The following TMEM132B variants were observed in gnomAD, a reference collection of about 807,000 sequenced individuals.
TMEM132B encodes transmembrane protein 132B.
In TMEM132B, 18 loss-of-function variants were observed where a neutral mutation model predicts 90.8. That is an observed-to-expected ratio of 0.20 (90% confidence interval 0.14 to 0.29). The LOEUF is 0.29. TMEM132B is among the 10% of genes least tolerant of loss of function. The pLI, the probability that TMEM132B is intolerant of heterozygous loss-of-function variation, is 1.00. For missense variants in TMEM132B, 1,096 were observed against 1,326.8 expected, an observed-to-expected ratio of 0.83 and a Z score of 2.70; for synonymous variants, 504 against 523.3, an observed-to-expected ratio of 0.96 and a Z score of 0.50.
chr12:125,637,668 C>G (rs1886518873), intron 5 of TMEM132B, among the ~76,000 whole-genome samples: 1 of 151,854 alleles, frequency 6.6e-6, no homozygotes, highest in Non-Finnish European at 1.5e-5. Context: ...TGAAAGCAAC[C>G]AGGGAAAAGA....
intron 2 of TMEM132B, among the ~76,000 whole-genome samples, chr12:125,368,607 T>C (rs1252380198): frequency 6.6e-6 from 1 of 152,186 alleles, no homozygotes; most frequent in East Asian, 1.9e-4. Flanking sequence ...TGGGAAAAGG[T>C]AGAGAAAGTA....
chr12:125,523,857 G>A (rs562371234), intron 4 of TMEM132B, among the ~76,000 whole-genome samples: 5 of 152,292 alleles, frequency 3.3e-5, no homozygotes, highest in African/African-American at 9.6e-5. Flanking sequence ...TCTCCTCATC[G>A]GGGATGCACT....
intron 2 of TMEM132B, among the ~76,000 whole-genome samples, chr12:125,397,058 C>T (rs183732045): frequency 1.3e-4 from 20 of 151,820 alleles, no homozygotes; most frequent in Non-Finnish European, 2.8e-4. Flanking sequence ...TGCAATCTCC[C>T]CCTCCCAGGT....
intron 3 of TMEM132B, among the ~76,000 whole-genome samples, chr12:125,507,801 A>C (rs941558873): frequency 1.3e-5 from 2 of 152,144 alleles, no homozygotes; most frequent in African/African-American, 4.8e-5. Flanking sequence ...AGGTTTTGAA[A>C]AGAAGAGAGA....
intron 4 of TMEM132B, among the ~76,000 whole-genome samples, chr12:125,566,056 G>A (rs1028584386): frequency 1.6e-4 from 24 of 152,172 alleles, no homozygotes; most frequent in Non-Finnish European, 2.9e-4. Context: ...GGCTACTTAG[G>A]GAAATTGTGT....
intron 1 of TMEM132B, among the ~76,000 whole-genome samples, chr12:125,265,827 C>T (rs1254502098): frequency 1.3e-5 from 2 of 152,156 alleles, no homozygotes; most frequent in Non-Finnish European, 2.9e-5. Context: ...AGTGACTTCT[C>T]ATTCATTCTC....
intron 1 of TMEM132B, among the ~76,000 whole-genome samples, chr12:125,283,705 T>C (rs1161167499): frequency 1.3e-5 from 2 of 152,350 alleles, no homozygotes; most frequent in African/African-American, 4.8e-5. Flanking sequence ...ATGCGTCTTG[T>C]CTGGTGCAGA....
chr12:125,335,157 A>G (rs1236103255), intron 1 of TMEM132B, among the ~76,000 whole-genome samples: 1 of 152,176 alleles, frequency 6.6e-6, no homozygotes, highest in African/African-American at 2.4e-5. Context: ...TAATTGCTCA[A>G]ATGTCTGGTT....
chr12:125,187,564 G>T (rs973893114), intron 1 of TMEM132B, among the ~76,000 whole-genome samples: 3 of 152,252 alleles, frequency 2.0e-5, no homozygotes, highest in African/African-American at 4.8e-5. Flanking sequence ...AGCCTGGAAC[G>T]CGGTGCTGTC....
At chr12:125,599,877 T>C (rs902464800) in intron 5 of TMEM132B, among the ~76,000 whole-genome samples, 2 of 152,084 alleles carry the variant, frequency 1.3e-5, no homozygotes, top group African/African-American at 4.8e-5. Flanking sequence ...GTCTTGATGA[T>C]TACATAGCAG....
intron 1 of TMEM132B, among the ~76,000 whole-genome samples, chr12:125,226,686 A>C (rs939797542): frequency 2.6e-5 from 4 of 152,040 alleles, no homozygotes; most frequent in Non-Finnish European, 5.9e-5. Context: ...GGGAAAGTCC[A>C]CTCTTCCTAG....
intron 3 of TMEM132B, among the ~76,000 whole-genome samples, chr12:125,501,905 C>A (rs187343454): frequency 6.6e-6 from 1 of 152,334 alleles, no homozygotes; most frequent in Admixed American, 6.5e-5. Flanking sequence ...TGAGGAATAA[C>A]CGTTCAGGTG....
At chr12:125,294,334 C>G (rs925479404) in intron 1 of TMEM132B, among the ~76,000 whole-genome samples, 1 of 152,242 alleles carries the variant, frequency 6.6e-6, no homozygotes, top group East Asian at 1.9e-4. Context: ...CAAGCCAGAC[C>G]TGGTAGAGAT....
chr12:125,206,532 CT>C (rs1179493485), intron 1 of TMEM132B, among the ~76,000 whole-genome samples: 1 of 152,172 alleles, frequency 6.6e-6, no homozygotes, highest in Non-Finnish European at 1.5e-5. Context: ...ACTACTGCCC[CT>C]GGTCTGATTG....
intron 3 of TMEM132B, among the ~76,000 whole-genome samples, chr12:125,494,574 A>G (rs1452516710): frequency 4.8e-5 from 3 of 62,974 alleles, no homozygotes; most frequent in Non-Finnish European, 9.0e-5. Flanking sequence ...GAAGAAATGG[A>G]TGCGTCCCTC....
At chr12:125,488,821 C>T (rs1326152320) in intron 3 of TMEM132B, among the ~76,000 whole-genome samples, 5 of 152,204 alleles carry the variant, frequency 3.3e-5, no homozygotes, top group Non-Finnish European at 7.3e-5. Context: ...CTATGGCAAA[C>T]TGCCGGATGG....
chr12:125,225,274 C>T (rs2136077391), intron 1 of TMEM132B, among the ~76,000 whole-genome samples: 1 of 152,288 alleles, frequency 6.6e-6, no homozygotes, highest in East Asian at 1.9e-4. Context: ...GGTTACTGGC[C>T]ACGTAAGCAG....
intron 2 of TMEM132B, among the ~76,000 whole-genome samples, chr12:125,375,974 G>A (rs1376153671): frequency 6.6e-6 from 1 of 152,204 alleles, no homozygotes; most frequent in African/African-American, 2.4e-5. Context: ...TAGGTATTCC[G>A]GTACCACTTA....
intron 1 of TMEM132B, among the ~76,000 whole-genome samples, chr12:125,286,084 C>T (rs1281783820): frequency 2.0e-5 from 3 of 152,246 alleles, no homozygotes. Flanking sequence ...ACCCTAGCGC[C>T]AGGTACTTTA....
Sources: gnomAD v4.1 joint callset for allele counts (sites outside exome capture counted in the v4.1 genomes callset) on GRCh38, gnomAD v4.1.1 for gene constraint, MANE v1.5 for transcripts, NCBI Gene and HGNC (gene_info 2026-07-23, HGNC 2026-07-21) for gene names.